The following ATP8B1 variants were observed in gnomAD, a reference collection of about 807,000 sequenced individuals.
The protein encoded by ATP8B1 is ATPase phospholipid transporting 8B1, also known as phospholipid-transporting ATPase IC.
Under a neutral mutation model 149.9 loss-of-function variants are expected in ATP8B1, and 80 were observed. The observed-to-expected ratio is 0.53, with a 90% CI of 0.45 to 0.64. ATP8B1 has a LOEUF of 0.64. Ranked by LOEUF, ATP8B1 falls within the 30% of genes least tolerant of loss-of-function variation. ATP8B1 has a pLI of 0.00. For missense variants in ATP8B1, 1,247 were observed against 1,552.6 expected (o/e 0.80, Z 3.31); for synonymous variants, 536 against 562.8 (o/e 0.95, Z 0.67).
intron 1 of ATP8B1, among the ~76,000 whole-genome samples, chr18:57,749,716 T>A (rs1476073582): frequency 6.6e-6 from 1 of 151,998 alleles, no homozygotes; most frequent in African/African-American, 2.4e-5. Flanking sequence ...GTCTAGAGGA[T>A]TCTCTCCCTT....
Position 57,674,943 on chromosome 18 carries a change from G to C in ATP8B1, c.1710C>G (p.Leu570=). The change falls in exon 16 of 28, where the codon CTC becomes CTG. Residue 570 remains leucine (L), a synonymous_variant. Coordinates refer to ENST00000648908, the MANE Select transcript of ATP8B1 (RefSeq NM_001374385.1). ...NAARNFGFAF[L]ARTQNTITIS... ...TGGTGATGGTGTTCTGGGTCCTGGC[G>C]AGGAAGGCAAAGCCAAAGTTCCTGG... The C allele has an allele frequency of 1.2e-6, 2 of 1,614,244 alleles. No homozygotes were observed. Among genetic ancestry groups the C allele is most frequent in the Non-Finnish European group, 1.7e-6 (2 of 1,180,054 alleles).
At chr18:57,693,057 A>G (rs1912620849) in intron 11 of ATP8B1, among the ~76,000 whole-genome samples, 1 of 152,240 alleles carries the variant, frequency 6.6e-6, no homozygotes. Flanking sequence ...GTGGATAACC[A>G]CAACCATGAC....
intron 22 of ATP8B1, among the ~76,000 whole-genome samples, chr18:57,655,846 C>T (rs1909961568): frequency 6.6e-6 from 1 of 152,294 alleles, no homozygotes; most frequent in South Asian, 2.1e-4. Context: ...TCATTCCATC[C>T]TTGTTCTAAT....
Position 57,668,461 on chromosome 18 carries a change from A to C in ATP8B1, c.2177T>G (p.Ile726Ser). The C allele has an allele frequency of 6.2e-7, 1 of 1,610,874 alleles. No individual in the cohort carries two copies. Among genetic ancestry groups the C allele is most frequent in the Non-Finnish European group, 8.5e-7 (1 of 1,178,264 alleles). ...GTCTCCAGTAAGCACCCAGATCTTA[A>C]TGTCAGCTTTTGCAAGTTTTGAAAT... ...ETISKLAKAD[I>S]KIWVLTGDKK... is the part of the protein sequence containing the mutation. The change falls in exon 19 of 28, where the codon ATT becomes AGT. Residue 726 changes from isoleucine to serine, a missense_variant. Ile to Ser is a moderately radical substitution (Grantham distance 142). This residue lies in a region of ATP8B1 where 853 missense variants were observed against 1,035.7 expected (regional missense o/e 0.82). Coordinates refer to ENST00000648908, the MANE Select transcript of ATP8B1 (RefSeq NM_001374385.1).
intron 1 of ATP8B1, among the ~76,000 whole-genome samples, chr18:57,744,106 G>C (rs939374303): frequency 2.0e-5 from 3 of 152,038 alleles, no homozygotes; most frequent in African/African-American, 7.2e-5. Context: ...CCTGAGGTCC[G>C]GAGTTTGAGA....
At chr18:57,674,580 G>T (rs983822005) in intron 16 of ATP8B1, among the ~76,000 whole-genome samples, 1 of 151,816 alleles carries the variant, frequency 6.6e-6, no homozygotes, top group African/African-American at 2.4e-5. Context: ...TAGAGACGGG[G>T]TTTCACCGTG....
chr18:57,664,822 T>A (rs769336806), intron 20 of ATP8B1, among the ~76,000 whole-genome samples: 71 of 152,176 alleles, frequency 4.7e-4, no homozygotes, highest in Non-Finnish European at 9.0e-4. Context: ...TGCTGCAGGT[T>A]GATAGGAAAA....
At chr18:57,772,355 A>C (rs997428087) in intron 1 of ATP8B1, among the ~76,000 whole-genome samples, 1 of 152,170 alleles carries the variant, frequency 6.6e-6, no homozygotes, top group African/African-American at 2.4e-5. Flanking sequence ...AAGCTGGGCC[A>C]CTATCTGATT....
intron 13 of ATP8B1, among the ~76,000 whole-genome samples, chr18:57,686,137 C>T (rs1337024276): frequency 6.7e-6 from 1 of 149,478 alleles, no homozygotes; most frequent in African/African-American, 2.6e-5. Context: ...TGGTGTGTGC[C>T]TGTAATCCCA....
At chr18:57,664,521 A>G (rs1018813335) in intron 20 of ATP8B1, among the ~76,000 whole-genome samples, 1 of 150,998 alleles carries the variant, frequency 6.6e-6, no homozygotes, top group Non-Finnish European at 1.5e-5. Flanking sequence ...AAAAAAAAAA[A>G]GGAAAGGCAA....
At chr18:57,711,333 C>G (rs1913677203) in intron 2 of ATP8B1, among the ~76,000 whole-genome samples, 1 of 152,046 alleles carries the variant, frequency 6.6e-6, no homozygotes, top group Non-Finnish European at 1.5e-5. Flanking sequence ...TGAGGTGACC[C>G]CATAAATATG....
chr18:57,668,391 G>C, intron 19 of ATP8B1, 38 bp downstream of exon 19: 1 of 1,516,148 alleles, frequency 6.6e-7, no homozygotes, highest in Non-Finnish European at 9.2e-7. Flanking sequence ...ATAAATATTT[G>C]TGAATTAACA....
chr18:57,719,411 C>T (rs1428327923), intron 2 of ATP8B1, among the ~76,000 whole-genome samples: 2 of 152,126 alleles, frequency 1.3e-5, no homozygotes, highest in African/African-American at 4.8e-5. Context: ...GCGCACTGTG[C>T]GCGAGCCGAA....
At chr18:57,702,911 A>T (rs1055335158) in intron 4 of ATP8B1, among the ~76,000 whole-genome samples, 3 of 152,172 alleles carry the variant, frequency 2.0e-5, no homozygotes, top group African/African-American at 4.8e-5. Flanking sequence ...TTAGAAGACA[A>T]AAAGATCCTT....
chr18:57,648,463 C>T lies in ATP8B1; in HGVS notation c.*25G>A, dbSNP rs769849182. The T allele has an allele frequency of 2.5e-6, 4 of 1,609,938 alleles. No individual in the cohort carries two copies. Among genetic ancestry groups the T allele is most frequent in the East Asian group, 4.5e-5 (2 of 44,888 alleles). On this transcript the variant is annotated 3_prime_UTR_variant, in exon 28 of 28. Coordinates refer to ENST00000648908, the MANE Select transcript of ATP8B1 (RefSeq NM_001374385.1). The stretch of plus-strand genomic sequence containing the variant: ...TAAAAAAATAGACGTGCTTTGTGGC[C>T]GCATCCCAGCCTGGGGGTAAGGGAT...
chr18:57,657,131 T>G (rs1371670113), intron 22 of ATP8B1, among the ~76,000 whole-genome samples: 1 of 152,096 alleles, frequency 6.6e-6, no homozygotes, highest in Non-Finnish European at 1.5e-5. Flanking sequence ...TCAAATTTAA[T>G]TTTTTCTTAA....
At chr18:57,746,667 G>A (rs1418224456) in intron 1 of ATP8B1, among the ~76,000 whole-genome samples, 1 of 151,628 alleles carries the variant, frequency 6.6e-6, no homozygotes, top group Admixed American at 6.6e-5. Flanking sequence ...GTAGAGACAG[G>A]GTTTTACCAT....
rs1188888117 is a variant in ATP8B1, at chr18:57,793,697, G to A, written c.-26+9301C>T. On this transcript the variant is annotated intron_variant, in intron 1 of 27. Transcript: ENST00000648908. ...CTGCAGCAAGTTATCTGTCCCCTCT[G>A]CCTGGGACACTCTTTCCCCAAAACT... 2.6e-5 allele frequency among the ~76,000 whole-genome samples: 4 copies of A among 151,746 alleles called. No individual in the cohort carries two copies. The East Asian group carries it at 7.7e-4, about 29-fold the overall frequency.
intron 15 of ATP8B1, 89 bp downstream of exon 15, chr18:57,683,947 T>C: frequency 6.7e-7 from 1 of 1,484,848 alleles, no homozygotes; most frequent in South Asian, 1.1e-5. Context: ...ATTTGTGTAC[T>C]ACTTGACATG....
Sources: gnomAD v4.1 joint callset for allele counts (sites outside exome capture counted in the v4.1 genomes callset) on GRCh38, gnomAD v4.1.1 for gene constraint, gnomAD v4.1.1 regional missense constraint, MANE v1.5 for transcripts, NCBI Gene and HGNC (gene_info 2026-07-23, HGNC 2026-07-21) for gene names.